Variants in SLC14A2 observed in about 807,000 individuals in gnomAD.
SLC14A2 encodes urea transporter 2.
A neutral mutation model predicts 104.6 loss-of-function variants in SLC14A2; 91 were observed. That is an observed-to-expected ratio of 0.87 (90% CI 0.73 to 1.04). SLC14A2 has a LOEUF of 1.04. SLC14A2 is among the 50% of genes least tolerant of loss of function. SLC14A2 has a pLI of 0.00. For missense variants in SLC14A2, 1,189 were observed against 1,156.0 expected (o/e 1.03, Z -0.41); for synonymous variants, 476 against 466.4 (o/e 1.02, Z -0.27).
rs56337607 is a variant in SLC14A2, at chr18:45,349,703, C to T, written c.-124-133530C>T. On this transcript the variant is annotated intron_variant, in intron 1 of 20. Transcript: ENST00000586448. ...GCTCTCTCCTCTCCTGGGCATTTCC[C>T]CAAATGTTTCCCTGGAATCATCCAA... Among the ~76,000 whole-genome samples, 146 of 152,284 alleles carry T rather than the reference C, an allele frequency of 9.6e-4. 1 individual carries two copies. Among genetic ancestry groups the T allele is most frequent in the African/African-American group, 3.3e-3 (138 of 41,546 alleles).
At chr18:45,340,628 T>C (rs534814483) in intron 1 of SLC14A2, among the ~76,000 whole-genome samples, 1 of 152,352 alleles carries the variant, frequency 6.6e-6, no homozygotes, top group African/African-American at 2.4e-5. Context: ...AAAATTACAA[T>C]ACAACTTTCC....
intron 5 of SLC14A2, 129 bp downstream of exon 5, chr18:45,632,607 C>T (rs879468574): frequency 7.3e-6 from 7 of 965,194 alleles, no homozygotes; most frequent in Non-Finnish European, 1.1e-5. Flanking sequence ...GCTTGTCTGA[C>T]ACCATGAAAG....
At chr18:45,506,087 G>A (rs1401276490) in intron 2 of SLC14A2, among the ~76,000 whole-genome samples, 1 of 152,150 alleles carries the variant, frequency 6.6e-6, no homozygotes, top group Admixed American at 6.5e-5. Context: ...CCAGCTTCAA[G>A]GCTGCAGCCA....
intron 2 of SLC14A2, among the ~76,000 whole-genome samples, chr18:45,577,513 C>A (rs76939442): frequency 6.6e-6 from 1 of 152,128 alleles, no homozygotes; most frequent in Non-Finnish European, 1.5e-5. Context: ...AGAGTATTCA[C>A]AAAATGTCAT....
At chr18:45,285,494 C>T (rs8085012) in intron 1 of SLC14A2, among the ~76,000 whole-genome samples, 28,994 of 152,014 alleles carry the variant, frequency 0.19, 4,300 homozygotes, top group African/African-American at 0.41. Flanking sequence ...CTCGGCTCAC[C>T]GCAACCTCTG....
chr18:45,290,867 G>A (rs193188337), intron 1 of SLC14A2, among the ~76,000 whole-genome samples: 7 of 152,338 alleles, frequency 4.6e-5, no homozygotes. Context: ...AGTGCTGCCT[G>A]AGACGAAGCT....
intron 2 of SLC14A2, among the ~76,000 whole-genome samples, chr18:45,511,958 T>C (rs2043371616): frequency 6.6e-6 from 1 of 152,142 alleles, no homozygotes; most frequent in Non-Finnish European, 1.5e-5. Flanking sequence ...AGGTAGACTG[T>C]GGCATCAAGG....
chr18:45,493,973 C>T (rs1309989511), intron 2 of SLC14A2, among the ~76,000 whole-genome samples: 1 of 152,236 alleles, frequency 6.6e-6, no homozygotes, highest in African/African-American at 2.4e-5. Flanking sequence ...TGGAAGACTA[C>T]ATTCCTGCCA....
In SLC14A2 at chr18:45,464,601, G is replaced by A. The variant is rs368539487; in HGVS notation, c.-124-18632G>A. ...GAGGGCCAGTGCTGTGCGTAATTTC[G>A]TGTAATTTCTATTTTTTGCTGCTCT... On this transcript the variant is annotated intron_variant, in intron 1 of 20. Coordinates refer to the SLC14A2 transcript ENST00000586448. Among the ~76,000 whole-genome samples the A allele has an allele frequency of 4.6e-5, 7 of 152,288 alleles. No homozygotes were observed. In the South Asian group the frequency reaches 8.3e-4, roughly 18 times the overall value.
chr18:45,658,057 C>T (rs7237704), intron 10 of SLC14A2, among the ~76,000 whole-genome samples: 120,787 of 152,076 alleles, frequency 0.79, 48,491 homozygotes, highest in Middle Eastern at 0.84. Flanking sequence ...TCAAATTATA[C>T]GTGATGTGTC....
chr18:45,415,134 G>A (rs1166884538), intron 1 of SLC14A2, among the ~76,000 whole-genome samples: 1 of 152,016 alleles, frequency 6.6e-6, no homozygotes, highest in East Asian at 1.9e-4. Flanking sequence ...CAGGTATGTA[G>A]CTACCAAAAA....
chr18:45,233,320 T>C (rs374005610), intron 1 of SLC14A2, among the ~76,000 whole-genome samples: 1 of 152,188 alleles, frequency 6.6e-6, no homozygotes, highest in Non-Finnish European at 1.5e-5. Context: ...CAAAAATGTA[T>C]TGTTGAAATG....
At chr18:45,426,741 A>G (rs1212375149) in intron 1 of SLC14A2, among the ~76,000 whole-genome samples, 6 of 151,252 alleles carry the variant, frequency 4.0e-5, no homozygotes, top group Non-Finnish European at 8.8e-5. Context: ...ACATACATAC[A>G]CGCTTAATGG....
At chr18:45,223,151 A>G (rs1234489498) in intron 1 of SLC14A2, among the ~76,000 whole-genome samples, 3 of 152,180 alleles carry the variant, frequency 2.0e-5, no homozygotes, top group Non-Finnish European at 4.4e-5. Flanking sequence ...ATCTCAAATG[A>G]GGAGAATATT....
intron 2 of SLC14A2, among the ~76,000 whole-genome samples, chr18:45,556,082 C>G (rs1397379162): frequency 2.6e-5 from 4 of 152,174 alleles, no homozygotes; most frequent in Non-Finnish European, 4.4e-5. Context: ...TGAGGGCCCT[C>G]TTCTGGGTTG....
At chr18:45,438,672 C>G (rs982229762) in intron 1 of SLC14A2, among the ~76,000 whole-genome samples, 3 of 152,148 alleles carry the variant, frequency 2.0e-5, no homozygotes, top group African/African-American at 7.2e-5. Context: ...AATTGTGTCC[C>G]TCAGAAAGGA....
intron 1 of SLC14A2, among the ~76,000 whole-genome samples, chr18:45,357,294 T>A (rs2085564709): frequency 7.0e-6 from 1 of 143,354 alleles, no homozygotes; most frequent in African/African-American, 2.7e-5. Context: ...AGAAAACAGA[T>A]CTTGAGGGGG....
At chr18:45,608,786 G>T (rs1292747255) in intron 2 of SLC14A2, among the ~76,000 whole-genome samples, 1 of 152,150 alleles carries the variant, frequency 6.6e-6, no homozygotes, top group East Asian at 1.9e-4. Flanking sequence ...TAGCTTCTTT[G>T]GGAAGTAGCT....
intron 2 of SLC14A2, among the ~76,000 whole-genome samples, chr18:45,494,900 T>TCACACACACA (rs531108146): frequency 2.1e-5 from 2 of 96,478 alleles, no homozygotes; most frequent in African/African-American, 4.4e-5. Flanking sequence ...AATCGGGTCA[T>TCACACACACA]CACACACACA....
Sources: gnomAD v4.1 joint callset for allele counts (sites outside exome capture counted in the v4.1 genomes callset) on GRCh38, gnomAD v4.1.1 for gene constraint, MANE v1.5 for transcripts, NCBI Gene and HGNC (gene_info 2026-07-23, HGNC 2026-07-21) for gene names.